NOSTRIN: variants seen among roughly 807,000 people sequenced by gnomAD.
NOSTRIN encodes the protein nitric oxide synthase trafficking, also known as BM247 homolog.
A neutral mutation model predicts 59.0 loss-of-function variants in NOSTRIN; 63 were observed. That is an observed-to-expected ratio of 1.07 (90% CI 0.87 to 1.32). NOSTRIN has a LOEUF of 1.32. Ranked by LOEUF, NOSTRIN falls within the 40% of genes most tolerant of loss-of-function variation. The probability of loss-of-function intolerance (pLI) is 0.00; values close to 1 mark genes in which losing one functional copy is unlikely to be tolerated. For synonymous variants in NOSTRIN, 200 were observed against 165.4 expected (o/e 1.21, Z -1.61); for missense variants, 512 against 473.1 (o/e 1.08, Z -0.76).
intron 6 of NOSTRIN, among the ~76,000 whole-genome samples, chr2:168,832,354 G>C (rs1687414669): frequency 6.6e-6 from 1 of 152,152 alleles, no homozygotes; most frequent in Non-Finnish European, 1.5e-5. Flanking sequence ...TGTAGTATAG[G>C]AGGAATTCAT....
chr2:168,826,434 CCTTT>C (rs1270334017), intron 3 of NOSTRIN, among the ~76,000 whole-genome samples: 1 of 152,150 alleles, frequency 6.6e-6, no homozygotes, highest in Non-Finnish European at 1.5e-5. Flanking sequence ...TTCTTTCTTT[CCTTT>C]CTTTCTCTTC....
At position 168,856,901 on chromosome 2, in the gene NOSTRIN, G is replaced by C. The variant is rs77824647; in HGVS notation, c.1053+123G>C. Reference sequence around the variant, plus strand: ...TTCTCATGACATAGAACAATCTAGTGGGGGAGCTTATAGGGTCAGCTTCAT... The same window carrying C: ...TTCTCATGACATAGAACAATCTAGTCGGGGAGCTTATAGGGTCAGCTTCAT... On this transcript the variant is annotated intron_variant, in intron 12 of 15. Transcript: ENST00000317647. 2,285 of 822,446 alleles carry C rather than the reference G, an allele frequency of 2.8e-3. 38 individuals are homozygous for C. In the African/African-American group the frequency reaches 0.035, roughly 12 times the overall value. 50.9% of individuals were successfully genotyped at this position (822,446 alleles called of 1,614,324 possible). A position where few individuals can be genotyped will look rare whatever the true frequency, so the allele number is the denominator to read the frequency against.
In NOSTRIN at chr2:168,838,529, C is replaced by T. The variant is rs116527261; in HGVS notation, c.504+4204C>T. Among the ~76,000 whole-genome samples, 1,344 of 152,292 alleles carry T rather than the reference C, an allele frequency of 8.8e-3. 25 individuals are homozygous for T. The highest frequency in any genetic ancestry group is 0.03 in the African/African-American group (1,244 of 41,570). On this transcript the variant is annotated intron_variant, in intron 7 of 15. Coordinates refer to ENST00000317647, the MANE Select transcript of NOSTRIN (RefSeq NM_001039724.4). ...TACTGGGATTACAGGCGCGAGCCAC[C>T]GTGCCCAGCCCCAAATACTTCTTGA...
chr2:168,851,203 C>T (rs1221609870), intron 9 of NOSTRIN, 21 bp downstream of exon 9: 1 of 1,614,142 alleles, frequency 6.2e-7, no homozygotes, highest in East Asian at 2.2e-5. Flanking sequence ...ATGATCTCTC[C>T]ATTTCTGGTA....
At chr2:168,788,972 G>C (rs1353116394) in intron 2 of NOSTRIN, among the ~76,000 whole-genome samples, 2 of 152,088 alleles carry the variant, frequency 1.3e-5, no homozygotes, top group Non-Finnish European at 2.9e-5. Context: ...TCAGAGCCTA[G>C]AGTCAATGCC....
chr2:168,799,746 T>C (rs1044689030), upstream of NOSTRIN, among the ~76,000 whole-genome samples: 2 of 152,190 alleles, frequency 1.3e-5, no homozygotes, highest in Non-Finnish European at 2.9e-5. Flanking sequence ...CCAGGCTGGA[T>C]TGGGGAGAGG....
chr2:168,818,346 G>A (rs1032640306), intron 2 of NOSTRIN: 10 of 260,870 alleles, frequency 3.8e-5, no homozygotes, highest in Admixed American at 3.6e-4. Context: ...TTGTAGAAAT[G>A]GGATCTTGAT....
intron 12 of NOSTRIN, among the ~76,000 whole-genome samples, chr2:168,857,024 G>A (rs552923317): frequency 4.5e-4 from 68 of 152,260 alleles, no homozygotes; most frequent in Non-Finnish European, 9.0e-4. Context: ...TCTCCAAACA[G>A]AGTCGTTCTT....
chr2:168,840,546 A>AAAAAAC (rs1459400760), intron 7 of NOSTRIN, among the ~76,000 whole-genome samples: 62 of 150,298 alleles, frequency 4.1e-4, no homozygotes, highest in African/African-American at 1.5e-3. Flanking sequence ...AAAAAAAAAA[A>AAAAAAC]AAAAACAAAA....
chr2:168,828,160 G>A lies in NOSTRIN; in HGVS notation c.200G>A (p.Cys67Tyr), dbSNP rs915814734. 4 of 872,668 alleles carry A rather than the reference G, an allele frequency of 4.6e-6. No homozygotes were observed. Among genetic ancestry groups the A allele is most frequent in the Non-Finnish European group, 8.0e-6 (4 of 501,616 alleles). 54.1% of individuals were successfully genotyped at this position (872,668 alleles called of 1,614,324 possible). The change falls in exon 4 of 16, where the codon TGT (cysteine) becomes TAT (tyrosine). Residue 67 changes from cysteine (C) to tyrosine (Y), a missense_variant and splice_region_variant. By Grantham distance (194) the Cys-to-Tyr change is radical. Coordinates refer to ENST00000317647, the MANE Select transcript of NOSTRIN (RefSeq NM_001039724.4). ...TCCCCACTTTTTTTTGCCTTTAGTT[G>A]TGTTAGCAGTGCCTGGGCCTGGGCC... ...SKALQNTRKS[C>Y]VSSAWAWASE...
At chr2:168,789,318 T>C (rs1388553706) in intron 2 of NOSTRIN, among the ~76,000 whole-genome samples, 1 of 152,228 alleles carries the variant, frequency 6.6e-6, no homozygotes, top group African/African-American at 2.4e-5. Context: ...GAAAGAGGTT[T>C]AATAGGCTCA....
At position 168,811,555 on chromosome 2, in the gene NOSTRIN, CTT is replaced by C. The variant is rs771170222; in HGVS notation, c.28-11_28-10del. 2.5e-6 allele frequency: 2 copies of C among 792,570 alleles called. No homozygotes were observed. Among genetic ancestry groups the C allele is most frequent in the East Asian group, 5.2e-5 (2 of 38,726 alleles). The allele number at this position is 792,570 out of a possible 1,614,324, so 49.1% of individuals were successfully genotyped here. ...TGTTCATTGTTTTTTTGTTATTGTT[CTT>C]GTTTTTCAGTATAATAAAGTATACA... On this transcript the variant is annotated splice_polypyrimidine_tract_variant and intron_variant, in intron 1 of 15. Coordinates refer to ENST00000317647, the MANE Select transcript of NOSTRIN (RefSeq NM_001039724.4).
chr2:168,833,814 CT>C (rs1450405899), intron 6 of NOSTRIN, among the ~76,000 whole-genome samples: 1 of 92,000 alleles, frequency 1.1e-5, no homozygotes, highest in Admixed American at 1.0e-4. Context: ...TTAAAACAAT[CT>C]CAAATCGTGG....
chr2:168,795,185 G>A (rs1371586378), upstream of NOSTRIN, among the ~76,000 whole-genome samples: 3 of 151,528 alleles, frequency 2.0e-5, no homozygotes, highest in African/African-American at 4.8e-5. Flanking sequence ...CCCACTGTTG[G>A]CACTTTATTT....
intron 7 of NOSTRIN, among the ~76,000 whole-genome samples, chr2:168,837,039 A>G (rs930066168): frequency 3.9e-5 from 6 of 152,120 alleles, no homozygotes; most frequent in Non-Finnish European, 7.4e-5. Flanking sequence ...TTCTCATTGC[A>G]TTCTCACGTG....
chr2:168,797,079 C>CTTTTTTTTTTTTTTTTTTTTTT (rs775176252), upstream of NOSTRIN, among the ~76,000 whole-genome samples: 38 of 75,056 alleles, frequency 5.1e-4, 3 homozygotes, highest in African/African-American at 1.5e-3. Flanking sequence ...TTTCTTTTTT[C>CTTTTTTTTTTTTTTTTTTTTTT]TTTTTTTTTT....
At position 168,864,835 on chromosome 2, in the gene NOSTRIN, T is replaced by A. The variant is rs781699436; in HGVS notation, c.1386T>A (p.Gly462=). 2 of 1,613,702 alleles carry A rather than the reference T, an allele frequency of 1.2e-6. No individual in the cohort carries two copies. Among genetic ancestry groups the A allele is most frequent in the Non-Finnish European group, 1.7e-6 (2 of 1,179,816 alleles). ...RQDDELNLEK[G]DIVIIHEKKE... ...ATTTGTCTAACTGTATTTTCACAGGTGACATTGTGATTATACACGAGAAAA... is the reference window on the plus strand; with the variant it reads ...ATTTGTCTAACTGTATTTTCACAGGAGACATTGTGATTATACACGAGAAAA... Residue 462 remains glycine (G), a splice_region_variant and synonymous_variant, in exon 16 of 16, where the codon GGT becomes GGA. Coordinates refer to ENST00000317647, the MANE Select transcript of NOSTRIN (RefSeq NM_001039724.4).
chr2:168,862,253 G>T (rs1214575487), intron 15 of NOSTRIN, among the ~76,000 whole-genome samples: 2 of 152,232 alleles, frequency 1.3e-5, no homozygotes, highest in Non-Finnish European at 2.9e-5. Context: ...GTCAGACATT[G>T]TTGCAGGCCT....
At chr2:168,858,647 G>C (rs1689261094) in intron 12 of NOSTRIN, among the ~76,000 whole-genome samples, 1 of 152,216 alleles carries the variant, frequency 6.6e-6, no homozygotes, top group Non-Finnish European at 1.5e-5. Context: ...GGAGCTTTTA[G>C]TTTTGTCTTA....
Sources: allele counts gnomAD v4.1 joint callset (sites outside exome capture counted in the v4.1 genomes callset), GRCh38; gene constraint gnomAD v4.1.1; transcripts MANE v1.5; gene names NCBI Gene and HGNC (gene_info 2026-07-23, HGNC 2026-07-21).